The following SEZ6L variants were observed in gnomAD, a reference collection of about 807,000 sequenced individuals.
SEZ6L encodes seizure 6-like protein.
Under a neutral mutation model 106.2 loss-of-function variants are expected in SEZ6L, and 37 were observed. That is an observed-to-expected ratio of 0.35 (90% CI 0.27 to 0.46). SEZ6L has a LOEUF of 0.46. Among genes scored for constraint, SEZ6L ranks in the 20% least tolerant of loss-of-function variants. The probability of loss-of-function intolerance (pLI) is 1.00; values close to 1 mark genes in which losing one functional copy is unlikely to be tolerated. For missense variants in SEZ6L, 1,172 were observed against 1,332.8 expected, an observed-to-expected ratio of 0.88 and a Z score of 1.88; for synonymous variants, 541 against 570.4, an observed-to-expected ratio of 0.95 and a Z score of 0.73.
chr22:26,235,961 C>A (rs912363367), intron 1 of SEZ6L, among the ~76,000 whole-genome samples: 3 of 152,244 alleles, frequency 2.0e-5, no homozygotes, highest in African/African-American at 7.2e-5. Context: ...GGGCTTGCGG[C>A]CTTGGAAGAT....
At chr22:26,218,300 T>A (rs750994738) in intron 1 of SEZ6L, among the ~76,000 whole-genome samples, 1 of 152,152 alleles carries the variant, frequency 6.6e-6, no homozygotes, top group African/African-American at 2.4e-5. Flanking sequence ...GTTTGTTACA[T>A]AGGTACAATA....
intron 13 of SEZ6L, among the ~76,000 whole-genome samples, chr22:26,368,804 A>G (rs73415312): frequency 0.059 from 8,976 of 152,198 alleles, 760 homozygotes; most frequent in African/African-American, 0.19. Flanking sequence ...ACTGTCTAAG[A>G]TAGGTGAGCC....
chr22:26,265,584 A>G (rs1029745943), intron 1 of SEZ6L, among the ~76,000 whole-genome samples: 1 of 152,240 alleles, frequency 6.6e-6, no homozygotes, highest in African/African-American at 2.4e-5. Flanking sequence ...AGCACCTCAG[A>G]GAGCTGCAAA....
intron 5 of SEZ6L, 42 bp from the exon 6 acceptor site, chr22:26,305,937 C>T (rs376322701): frequency 2.7e-5 from 40 of 1,497,522 alleles, no homozygotes; most frequent in Non-Finnish European, 3.7e-5. Context: ...CTCTCTCCCT[C>T]TCTGCTCTCT....
rs114037453 is a variant in SEZ6L at position 26,376,468 on chromosome 22, G to A, written c.2942+779G>A. On this transcript the variant is annotated intron_variant, in intron 15 of 16. Transcript: ENST00000248933. ...CATGAGAAACCTATGCAGTCCAGGCGTGGTGGCTCACACCTGTAATCCCAA... is the reference window on the plus strand; with the variant it reads ...CATGAGAAACCTATGCAGTCCAGGCATGGTGGCTCACACCTGTAATCCCAA... Among the ~76,000 whole-genome samples the A allele has an allele frequency of 2.6e-3, 396 of 152,246 alleles. 1 individual carries two copies. The highest frequency in any genetic ancestry group is 8.8e-3 in the African/African-American group (366 of 41,552).
chr22:26,213,916 G>A (rs1427846555), intron 1 of SEZ6L, among the ~76,000 whole-genome samples: 1 of 152,118 alleles, frequency 6.6e-6, no homozygotes, highest in African/African-American at 2.4e-5. Flanking sequence ...ATGAGATCCT[G>A]TCTCTTAAAA....
intron 1 of SEZ6L, among the ~76,000 whole-genome samples, chr22:26,209,810 G>T (rs2078096794): frequency 7.9e-6 from 1 of 126,352 alleles, no homozygotes; most frequent in East Asian, 2.0e-4. Flanking sequence ...TGAATAGATG[G>T]ATAGATGGAA....
intron 10 of SEZ6L, among the ~76,000 whole-genome samples, chr22:26,346,321 C>T (rs889526060): frequency 1.3e-5 from 2 of 152,224 alleles, no homozygotes; most frequent in African/African-American, 2.4e-5. Flanking sequence ...AGATTATAGG[C>T]ATGAGCCACT....
At chr22:26,295,721 C>A (rs2081281966) in intron 3 of SEZ6L, among the ~76,000 whole-genome samples, 1 of 152,112 alleles carries the variant, frequency 6.6e-6, no homozygotes, top group African/African-American at 2.4e-5. Context: ...ATTCATTGAG[C>A]AATTAGAATG....
Position 26,179,976 on chromosome 22 carries a change from C to T in SEZ6L, c.94+10213C>T, listed in dbSNP as rs188943418. On this transcript the variant is annotated intron_variant, in intron 1 of 16. Coordinates refer to ENST00000248933, the MANE Select transcript of SEZ6L (RefSeq NM_021115.5). ...TTGAGTTCCTCAGTCCTACTAGCGA[C>T]GTTTCAAGTGCCCAGTAGCTATGTG... 5.7e-3 allele frequency among the ~76,000 whole-genome samples: 869 copies of T among 152,306 alleles called. 4 individuals are homozygous for T. The highest frequency in any genetic ancestry group is 9.4e-3 in the Non-Finnish European group (642 of 68,024).
intron 4 of SEZ6L, among the ~76,000 whole-genome samples, chr22:26,297,879 C>T (rs1237683179): frequency 1.3e-5 from 2 of 151,804 alleles, no homozygotes; most frequent in Admixed American, 1.3e-4. Flanking sequence ...CTCTCCTCCA[C>T]CCCGATTTCC....
chr22:26,288,512 A>G (rs1569445223), intron 1 of SEZ6L, among the ~76,000 whole-genome samples: 2 of 152,288 alleles, frequency 1.3e-5, no homozygotes, highest in East Asian at 1.9e-4. Flanking sequence ...TCAATACCCC[A>G]TATTTCTTAA....
intron 1 of SEZ6L, among the ~76,000 whole-genome samples, chr22:26,221,736 G>A (rs1036752078): frequency 1.3e-4 from 17 of 127,350 alleles, no homozygotes; most frequent in African/African-American, 3.9e-4. Context: ...GCGTGCACAC[G>A]CGTGCACACA....
chr22:26,290,413 T>C (rs1416099831), intron 1 of SEZ6L, among the ~76,000 whole-genome samples: 2 of 152,114 alleles, frequency 1.3e-5, no homozygotes, highest in Non-Finnish European at 2.9e-5. Context: ...GCACCTGTGG[T>C]CCCAGCTGCT....
chr22:26,341,545 G>A (rs560107690), intron 10 of SEZ6L, among the ~76,000 whole-genome samples: 15 of 152,078 alleles, frequency 9.9e-5, no homozygotes, highest in South Asian at 2.1e-4. Context: ...TCCGTTGACC[G>A]GTTCATACTT....
At chr22:26,219,433 G>A (rs965134593) in intron 1 of SEZ6L, among the ~76,000 whole-genome samples, 2 of 151,920 alleles carry the variant, frequency 1.3e-5, no homozygotes, top group East Asian at 3.9e-4. Flanking sequence ...AAAGAATCAA[G>A]AAATTAGAAA....
At chr22:26,379,743 C>T (rs915836001) in intron 16 of SEZ6L, among the ~76,000 whole-genome samples, 1 of 152,208 alleles carries the variant, frequency 6.6e-6, no homozygotes, top group African/African-American at 2.4e-5. Flanking sequence ...AAAGGTCAGA[C>T]TGAAATAAAG....
chr22:26,248,763 A>G (rs1263020278), intron 1 of SEZ6L, among the ~76,000 whole-genome samples: 4 of 152,230 alleles, frequency 2.6e-5, no homozygotes, highest in Non-Finnish European at 4.4e-5. Context: ...ACCTTGCATA[A>G]AAGACCAACT....
At chr22:26,337,610 T>C (rs1010978718) in intron 9 of SEZ6L, among the ~76,000 whole-genome samples, 3 of 152,202 alleles carry the variant, frequency 2.0e-5, no homozygotes, top group Non-Finnish European at 2.9e-5. Context: ...TTAGCATTTA[T>C]TGAGCACCTA....
Sources: gnomAD v4.1 joint callset for allele counts (sites outside exome capture counted in the v4.1 genomes callset) on GRCh38, gnomAD v4.1.1 for gene constraint, MANE v1.5 for transcripts, NCBI Gene and HGNC (gene_info 2026-07-23, HGNC 2026-07-21) for gene names.